The following MTUS1 variants were observed in gnomAD, a reference collection of about 807,000 sequenced individuals.
The protein encoded by MTUS1 is microtubule-associated tumor suppressor 1.
Under a neutral mutation model 120.8 loss-of-function variants are expected in MTUS1, and 109 were observed. That is an observed-to-expected ratio of 0.90 (90% CI 0.77 to 1.06). The LOEUF is 1.06. Among genes scored for constraint, MTUS1 ranks in the 50% least tolerant of loss-of-function variants. The pLI, the probability that MTUS1 is intolerant of heterozygous loss-of-function variation, is 0.00. For missense variants in MTUS1, 2,210 were observed against 1,486.3 expected (o/e 1.49, Z -8.01); for synonymous variants, 737 against 550.5 (o/e 1.34, Z -4.74).
chr8:17,669,094 T>C (rs1482220956), intron 8 of MTUS1, among the ~76,000 whole-genome samples: 2 of 152,192 alleles, frequency 1.3e-5, no homozygotes, highest in Non-Finnish European at 2.9e-5. Context: ...GCCTTGCCCT[T>C]GAAGAGTTCC....
intron 2 of MTUS1, among the ~76,000 whole-genome samples, chr8:17,747,198 T>G (rs954330023): frequency 2.0e-5 from 3 of 151,844 alleles, no homozygotes; most frequent in Non-Finnish European, 4.4e-5. Context: ...TATTCCCTAC[T>G]GCTCAGGGTT....
At chr8:17,739,430 T>C (rs867980498) in intron 3 of MTUS1, among the ~76,000 whole-genome samples, 1 of 142,894 alleles carries the variant, frequency 7.0e-6, no homozygotes, top group Non-Finnish European at 1.6e-5. Context: ...GAAGGGGAGG[T>C]TGTGGTGAGC....
intron 3 of MTUS1, among the ~76,000 whole-genome samples, chr8:17,728,686 A>G (rs2046370055): frequency 6.6e-6 from 1 of 150,812 alleles, no homozygotes; most frequent in Non-Finnish European, 1.5e-5. Flanking sequence ...CTGGAGAGGC[A>G]GGTAGTTTAC....
chr8:17,772,754 A>G (rs1195799846), intron 1 of MTUS1, among the ~76,000 whole-genome samples: 1 of 152,222 alleles, frequency 6.6e-6, no homozygotes, highest in African/African-American at 2.4e-5. Flanking sequence ...TCAGATCATC[A>G]CTTTGTAAAC....
In MTUS1 at chr8:17,755,870, G is replaced by T; in HGVS notation, c.-63C>A. The T allele has an allele frequency of 6.5e-7, 1 of 1,540,578 alleles. No homozygotes were observed. On this transcript the variant is annotated 5_prime_UTR_variant, in exon 2 of 15. Coordinates refer to ENST00000693296, the MANE Select transcript of MTUS1 (RefSeq NM_001363059.2). Reference sequence around the variant, plus strand: ...TTCTTCAATTCCTTTTAAATGAGAGGGTGGGCAAAATGGTCTGTCTTCTAG... The same window carrying T: ...TTCTTCAATTCCTTTTAAATGAGAGTGTGGGCAAAATGGTCTGTCTTCTAG...
intron 3 of MTUS1, among the ~76,000 whole-genome samples, chr8:17,737,240 C>T (rs1392908929): frequency 6.6e-6 from 1 of 152,212 alleles, no homozygotes; most frequent in African/African-American, 2.4e-5. Context: ...GTTACTGAAG[C>T]TTTCAGACCC....
intron 1 of MTUS1, among the ~76,000 whole-genome samples, chr8:17,757,131 T>A (rs1462298454): frequency 1.3e-5 from 2 of 152,176 alleles, no homozygotes; most frequent in South Asian, 4.1e-4. Flanking sequence ...ATAATAGTCA[T>A]AAAGTAGAAA....
rs144844026 is a variant in MTUS1 at position 17,779,259 on chromosome 8, G to A, written c.-155+21802C>T. On this transcript the variant is annotated intron_variant, in intron 1 of 14. Transcript: ENST00000693296. ...ACTATTTTGCTGTGATAAGGATTAT[G>A]GCCTCCTACATAAGAAGCCCTAGTA... Among the ~76,000 whole-genome samples the A allele has an allele frequency of 2.3e-3, 343 of 152,260 alleles. 2 individuals carry two copies. The highest frequency in any genetic ancestry group is 7.7e-3 in the African/African-American group (319 of 41,550).
intron 1 of MTUS1, chr8:17,758,096 T>C (rs1011650248): frequency 6.6e-6 from 1 of 152,066 alleles, no homozygotes; most frequent in Non-Finnish European, 1.5e-5. Context: ...AAAATATCCA[T>C]GAGGGAGGGA....
At chr8:17,778,143 A>AT (rs1389625924) in intron 1 of MTUS1, among the ~76,000 whole-genome samples, 1 of 152,142 alleles carries the variant, frequency 6.6e-6, no homozygotes, top group Non-Finnish European at 1.5e-5. Flanking sequence ...TCACGGGTAG[A>AT]TTATTTTTTT....
At chr8:17,677,368 G>A (rs989133466) in intron 7 of MTUS1, among the ~76,000 whole-genome samples, 9 of 152,206 alleles carry the variant, frequency 5.9e-5, no homozygotes, top group African/African-American at 2.2e-4. Context: ...AAACAATCCT[G>A]AAACTCATTT....
intron 10 of MTUS1, 32 bp downstream of exon 10, chr8:17,654,529 T>C (rs1435398365): frequency 6.0e-6 from 8 of 1,341,886 alleles, no homozygotes; most frequent in Non-Finnish European, 8.6e-6. Context: ...TCAGATTTTA[T>C]TCTGTTTAAA....
intron 7 of MTUS1, among the ~76,000 whole-genome samples, chr8:17,677,892 C>G (rs1813448064): frequency 1.3e-5 from 2 of 152,160 alleles, no homozygotes; most frequent in African/African-American, 4.8e-5. Context: ...AACTAATTAA[C>G]TAAGCATTTT....
intron 3 of MTUS1, among the ~76,000 whole-genome samples, chr8:17,729,572 T>C (rs1057466604): frequency 6.6e-6 from 1 of 152,180 alleles, no homozygotes; most frequent in African/African-American, 2.4e-5. Context: ...AAAAGTGCTA[T>C]TCTATTGTGA....
chr8:17,785,021 G>A (rs180686248), intron 1 of MTUS1, among the ~76,000 whole-genome samples: 16 of 152,214 alleles, frequency 1.1e-4, no homozygotes, highest in Admixed American at 9.2e-4. Flanking sequence ...CTGGCCTCAA[G>A]TGATCCACCT....
At chr8:17,725,540 C>A (rs2046170231) in intron 3 of MTUS1, among the ~76,000 whole-genome samples, 1 of 152,160 alleles carries the variant, frequency 6.6e-6, no homozygotes, top group Non-Finnish European at 1.5e-5. Flanking sequence ...CTTCTTCCAC[C>A]CTTTGAATCC....
intron 8 of MTUS1, among the ~76,000 whole-genome samples, chr8:17,662,608 C>T (rs193085864): frequency 6.6e-6 from 1 of 152,136 alleles, no homozygotes; most frequent in East Asian, 1.9e-4. Context: ...CCCACCTCAG[C>T]ATCCCAAAGT....
chr8:17,715,882 G>C lies in MTUS1; in HGVS notation c.2469C>G (p.Ile823Met). 6.2e-7 allele frequency: 1 copy of C among 1,613,152 alleles called. No homozygotes were observed. Among genetic ancestry groups the C allele is most frequent in the Non-Finnish European group, 8.5e-7 (1 of 1,179,790 alleles). Residue 823 changes from isoleucine to methionine, a missense_variant, in exon 5 of 15, where the codon ATC (isoleucine) becomes ATG (methionine). By Grantham distance (10) the Ile-to-Met change is conservative. Transcript: ENST00000693296. ...YSNNSGNAAV[I>M]KYEEKPPKPA... ...GTTTTGGAGGTTTCTCCTCATATTT[G>C]ATGACAGCGGCATTACCAGCTGTAA...
At chr8:17,774,627 T>C (rs2050269419) in intron 1 of MTUS1, among the ~76,000 whole-genome samples, 2 of 152,156 alleles carry the variant, frequency 1.3e-5, no homozygotes, top group South Asian at 4.1e-4. Context: ...GGAACCCCCT[T>C]GCGTTGCTGG....
Sources: gnomAD v4.1 joint callset for allele counts (sites outside exome capture counted in the v4.1 genomes callset) on GRCh38, gnomAD v4.1.1 for gene constraint, MANE v1.5 for transcripts, NCBI Gene and HGNC (gene_info 2026-07-23, HGNC 2026-07-21) for gene names.